Variants in B3GNT3 observed in about 807,000 individuals in gnomAD.
B3GNT3 encodes the protein UDP-GlcNAc:betaGal beta-1,3-N-acetylglucosaminyltransferase 3.
B3GNT3 carries 7 observed loss-of-function variants against 11.6 expected under a neutral mutation model. The ratio of observed to expected loss-of-function variants is 0.60; its 90% CI spans 0.34 to 1.13. The LOEUF (loss-of-function observed/expected upper bound fraction) is 1.13. Ranked by LOEUF, B3GNT3 falls within the 50% of genes most tolerant of loss-of-function variation. B3GNT3 has a pLI of 0.03. For missense variants in B3GNT3, 400 were observed against 507.4 expected (o/e 0.79, Z 2.03); for synonymous variants, 201 against 222.1 (o/e 0.90, Z 0.85).
intron 2 of B3GNT3, among the ~76,000 whole-genome samples, chr19:17,809,741 G>A (rs562467966): frequency 1.4e-4 from 21 of 152,076 alleles, no homozygotes; most frequent in South Asian, 2.1e-4. Flanking sequence ...GAGCCACCAC[G>A]CACAGCCTCG....
intron 1 of B3GNT3, among the ~76,000 whole-genome samples, chr19:17,801,762 G>A (rs1388282029): frequency 6.6e-6 from 1 of 152,016 alleles, no homozygotes; most frequent in African/African-American, 2.4e-5. Context: ...GGGACTATAG[G>A]CACTCACCAC....
chr19:17,797,130 T>C (rs934082710), intron 1 of B3GNT3, among the ~76,000 whole-genome samples: 9 of 152,186 alleles, frequency 5.9e-5, no homozygotes, highest in Non-Finnish European at 1.3e-4. Flanking sequence ...AAAATGGAGC[T>C]AATGCAGCCC....
chr19:17,806,504 C>T (rs543349535), intron 1 of B3GNT3, among the ~76,000 whole-genome samples: 12 of 152,226 alleles, frequency 7.9e-5, no homozygotes, highest in Admixed American at 5.2e-4. Context: ...CCCCAGGTGG[C>T]CGAGAGTTGG....
At chr19:17,802,528 G>A (rs1039671384) in intron 1 of B3GNT3, among the ~76,000 whole-genome samples, 29 of 152,128 alleles carry the variant, frequency 1.9e-4, no homozygotes, top group African/African-American at 7.0e-4. Flanking sequence ...CATCAGCAGT[G>A]CTGGGGCTAG....
chr19:17,799,679 G>T (rs527678155), intron 1 of B3GNT3, among the ~76,000 whole-genome samples: 9 of 152,212 alleles, frequency 5.9e-5, no homozygotes, highest in African/African-American at 1.9e-4. Flanking sequence ...CTCAACGGCT[G>T]TCGGGGGTCC....
intron 1 of B3GNT3, among the ~76,000 whole-genome samples, chr19:17,797,600 A>G (rs747248554): frequency 6.6e-6 from 1 of 152,022 alleles, no homozygotes; most frequent in Non-Finnish European, 1.5e-5. Flanking sequence ...GCTGGCATGG[A>G]TGACATACAA....
intron 1 of B3GNT3, among the ~76,000 whole-genome samples, chr19:17,806,979 T>C (rs926976556): frequency 1.3e-5 from 2 of 148,538 alleles, no homozygotes; most frequent in Non-Finnish European, 3.0e-5. Flanking sequence ...TGGGTTCTGA[T>C]ACTGCTCCAT....
At chr19:17,801,251 G>A (rs1599844438) in intron 1 of B3GNT3, among the ~76,000 whole-genome samples, 1 of 152,048 alleles carries the variant, frequency 6.6e-6, no homozygotes, top group East Asian at 1.9e-4. Context: ...GGAGTACTGT[G>A]GCGAGATCAT....
chr19:17,799,475 G>A (rs2094163381), intron 1 of B3GNT3, among the ~76,000 whole-genome samples: 1 of 151,886 alleles, frequency 6.6e-6, no homozygotes. Flanking sequence ...TCACCATGTT[G>A]GCCAGGCTGG....
Position 17,807,960 on chromosome 19 carries a change from T to TCCGGCCCC in B3GNT3, c.155_156insGGCCCCCC (p.Pro53AlafsTer63). 30 of 1,609,510 alleles carry TCCGGCCCC rather than the reference T, an allele frequency of 1.9e-5. No individual in the cohort carries two copies. The highest frequency in any genetic ancestry group is 1.7e-4 in the Middle Eastern group (1 of 6,054). On this transcript the variant is annotated frameshift_variant, in exon 2 of 3. Coordinates refer to ENST00000318683, the MANE Select transcript of B3GNT3 (RefSeq NM_014256.4). LOFTEE classifies it high-confidence loss of function. ...TCCCCGAGGCCCTGGCCTGGCCCACTCCACCCACCCGCCCAGCCCCGGCCC... is the reference window on the plus strand; with the variant it reads ...TCCCCGAGGCCCTGGCCTGGCCCACTCCGGCCCCCCACCCACCCGCCCAGCCCCGGCCC...
Position 17,811,199 on chromosome 19 carries a change from G to A in B3GNT3, c.568-372G>A, listed in dbSNP as rs1203626910. Among the ~76,000 whole-genome samples the A allele has an allele frequency of 6.6e-6, 1 of 152,166 alleles. No individual in the cohort carries two copies. Among genetic ancestry groups the A allele is most frequent in the Non-Finnish European group, 1.5e-5 (1 of 68,038 alleles). On this transcript the variant is annotated intron_variant, in intron 2 of 2. Coordinates refer to ENST00000318683, the MANE Select transcript of B3GNT3 (RefSeq NM_014256.4). This position sits in a 1 kb window ranked among gnomAD's most constrained non-coding sequence, Gnocchi z 4.1. Reference sequence around the variant, plus strand: ...GCTACACTCTAGCCTGGGCAATAGAGCAAGACCCTGTCTCAGAAACAAACA... The same window carrying A: ...GCTACACTCTAGCCTGGGCAATAGAACAAGACCCTGTCTCAGAAACAAACA...
rs552820896 is a variant in B3GNT3 at position 17,808,703 on chromosome 19, G to A, written c.567+329G>A. 5.9e-5 allele frequency among the ~76,000 whole-genome samples: 9 copies of A among 152,250 alleles called. No individual in the cohort carries two copies. In the South Asian group the frequency reaches 1.9e-3, roughly 32 times the overall value. On this transcript the variant is annotated intron_variant, in intron 2 of 2. Coordinates refer to ENST00000318683, the MANE Select transcript of B3GNT3 (RefSeq NM_014256.4). ...CTCACTTTTCTCACCTGGAAAATGGGATGTGAATGAGTCCCACCCACCTCT... is the reference window on the plus strand; with the variant it reads ...CTCACTTTTCTCACCTGGAAAATGGAATGTGAATGAGTCCCACCCACCTCT...
chr19:17,809,231 T>C (rs966807561), intron 2 of B3GNT3, among the ~76,000 whole-genome samples: 1 of 152,062 alleles, frequency 6.6e-6, no homozygotes, highest in Non-Finnish European at 1.5e-5. Context: ...CTAGAATAGA[T>C]TCAGGTGCAC....
chr19:17,797,170 T>C (rs1231797074), intron 1 of B3GNT3, among the ~76,000 whole-genome samples: 2 of 152,182 alleles, frequency 1.3e-5, no homozygotes, highest in African/African-American at 2.4e-5. Context: ...AGAGTTTAGA[T>C]GGACAGATGG....
intron 1 of B3GNT3, among the ~76,000 whole-genome samples, chr19:17,795,604 T>G (rs903226955): frequency 3.3e-5 from 5 of 151,938 alleles, no homozygotes; most frequent in Non-Finnish European, 7.4e-5. Context: ...GGGTCCCCGG[T>G]TGGGTTTGGG....
rs754338056 is a variant in B3GNT3 at position 17,811,788 on chromosome 19, A to G, written c.785A>G (p.Glu262Gly). 1 of 1,614,158 alleles carries G rather than the reference A, an allele frequency of 6.2e-7. No homozygotes were observed. ...GTGCCAGAGGTGGTGACTCAGAATG[A>G]GCGGTACCCACCCTATTGTGGGGGT... Reference protein sequence around the residue: ...YYVPEVVTQNERYPPYCGGGG... With the variant: ...YYVPEVVTQNGRYPPYCGGGG... Residue 262 changes from glutamate to glycine, a missense_variant, in exon 3 of 3, where the codon GAG becomes GGG. Coordinates refer to ENST00000318683, the MANE Select transcript of B3GNT3 (RefSeq NM_014256.4). This position sits in a 1 kb window ranked among gnomAD's most constrained non-coding sequence, Gnocchi z 4.1.
At position 17,811,993 on chromosome 19, in the gene B3GNT3, C is replaced by G. The variant is rs762936567; in HGVS notation, c.990C>G (p.Ser330=). ...TGCGGGCTCCATCGCAACGCCTGTC[C>G]TCCTTTGACCCCTGCTTCTACCGAG... ...SGVRAPSQRL[S]SFDPCFYRDL... Residue 330 remains serine, a synonymous_variant, in exon 3 of 3, where the codon TCC becomes TCG. Transcript: ENST00000318683. The surrounding 1 kb of genome is among the most constrained non-coding windows in gnomAD (Gnocchi z 4.1). 6.2e-7 allele frequency: 1 copy of G among 1,602,558 alleles called. No homozygotes were observed. The highest frequency in any genetic ancestry group is 1.3e-5 in the African/African-American group (1 of 74,936).
Position 17,812,510 on chromosome 19 carries a change from A to G in B3GNT3, c.*388A>G, listed in dbSNP as rs2050960985. The G allele has an allele frequency of 5.2e-6, 1 of 192,178 alleles. No individual in the cohort carries two copies. Among genetic ancestry groups the G allele is most frequent in the South Asian group, 1.2e-4 (1 of 8,678 alleles). 11.9% of individuals were successfully genotyped at this position (192,178 alleles called of 1,614,324 possible). A position where few individuals can be genotyped will look rare whatever the true frequency, so the allele number is the denominator to read the frequency against. On this transcript the variant is annotated 3_prime_UTR_variant, in exon 3 of 3. Coordinates refer to ENST00000318683, the MANE Select transcript of B3GNT3 (RefSeq NM_014256.4). ...ACCTGCAGTGGTTTAATGGCAGATA[A>G]GCTCCGTCTGCAGTTCCAGGCCAGC... is the stretch of plus-strand genomic sequence containing the variant.
chr19:17,811,691 G>A lies in B3GNT3; in HGVS notation c.688G>A (p.Gly230Ser), dbSNP rs140504053. 404 of 1,614,226 alleles carry A rather than the reference G, an allele frequency of 2.5e-4. 2 individuals are homozygous for A. In the African/African-American group the frequency reaches 4.8e-3, roughly 19 times the overall value. ...CTTCTACCTGCAGGACCATGACCCT[G>A]GCCGCCACCTCTTCGTGGGGCAACT... ...MVFYLQDHDP[G>S]RHLFVGQLIQ... Residue 230 changes from glycine to serine, a missense_variant, in exon 3 of 3, where the codon GGC (glycine) becomes AGC (serine). Physicochemically the swap from Gly to Ser is moderately conservative, Grantham distance 56. Coordinates refer to ENST00000318683, the MANE Select transcript of B3GNT3 (RefSeq NM_014256.4). This position sits in a 1 kb window ranked among gnomAD's most constrained non-coding sequence, Gnocchi z 4.1.
Sources: gnomAD v4.1 joint callset for allele counts (sites outside exome capture counted in the v4.1 genomes callset) on GRCh38, gnomAD v4.1.1 for gene constraint, Gnocchi (gnomAD v3.1) non-coding constraint, MANE v1.5 for transcripts, NCBI Gene and HGNC (gene_info 2026-07-23, HGNC 2026-07-21) for gene names.